HS3ST5: variants seen among roughly 807,000 people sequenced by gnomAD.
The protein encoded by HS3ST5 is heparan sulfate glucosamine 3-O-sulfotransferase 5.
Under a neutral mutation model 25.4 loss-of-function variants are expected in HS3ST5, and 10 were observed. The ratio of observed to expected loss-of-function variants is 0.39; its 90% CI spans 0.24 to 0.67. HS3ST5 has a LOEUF of 0.67. Among genes scored for constraint, HS3ST5 ranks in the 30% least tolerant of loss-of-function variants. The pLI is 0.44. For missense variants in HS3ST5, 324 were observed against 420.7 expected, an observed-to-expected ratio of 0.77 and a Z score of 2.01; for synonymous variants, 170 against 162.4, an observed-to-expected ratio of 1.05 and a Z score of -0.36.
At chr6:114,084,988 C>A (rs1309706763) in intron 3 of HS3ST5, among the ~76,000 whole-genome samples, 1 of 151,854 alleles carries the variant, frequency 6.6e-6, no homozygotes, top group Non-Finnish European at 1.5e-5. Context: ...CGCACCACCA[C>A]CCCTGGCTAA....
At chr6:114,084,833 CTTTTTTTTT>C in intron 3 of HS3ST5, 1 of 503,792 alleles carries the variant, frequency 2.0e-6, no homozygotes, top group South Asian at 2.0e-5. Flanking sequence ...CTTTTCTTTT[CTTTTTTTTT>C]TTTTTTTTGA....
chr6:114,294,235 G>A (rs1283042190), intron 1 of HS3ST5, among the ~76,000 whole-genome samples: 1 of 152,108 alleles, frequency 6.6e-6, no homozygotes, highest in African/African-American at 2.4e-5. Context: ...AAAAACCTGC[G>A]GAATTAGTGT....
rs150919092 is a variant in HS3ST5, at chr6:114,165,208, C to A, written c.-33+3143G>T. Among the ~76,000 whole-genome samples, 235 of 152,270 alleles carry A rather than the reference C, an allele frequency of 1.5e-3. No homozygotes were observed. The Middle Eastern group carries it at 0.017, about 11-fold the overall frequency. ...TGATATTTAATGTTTTGTCCTATGT[C>A]CAATCCTTGGTTTAGTGATTATGGC... On this transcript the variant is annotated intron_variant, in intron 3 of 4. Transcript: ENST00000312719.
intron 3 of HS3ST5, among the ~76,000 whole-genome samples, chr6:114,134,965 G>T (rs1001021159): frequency 3.3e-5 from 5 of 152,222 alleles, no homozygotes; most frequent in African/African-American, 1.2e-4. Context: ...GGTTGCACAG[G>T]GTAAGGAGGC....
intron 3 of HS3ST5, among the ~76,000 whole-genome samples, chr6:114,131,594 GAAATTTAAAA>G: frequency 1.3e-5 from 2 of 152,270 alleles, no homozygotes; most frequent in East Asian, 3.9e-4. Context: ...GGGACAATTT[GAAATTTAAAA>G]AAATTTCTTA....
intron 1 of HS3ST5, among the ~76,000 whole-genome samples, chr6:114,232,882 C>T (rs150077529): frequency 3.3e-5 from 5 of 152,236 alleles, no homozygotes; most frequent in African/African-American, 1.2e-4. Flanking sequence ...TTCCACATGG[C>T]ATCTATCTAG....
intron 3 of HS3ST5, among the ~76,000 whole-genome samples, chr6:114,092,180 A>AT (rs1376020695): frequency 6.6e-6 from 1 of 152,144 alleles, no homozygotes; most frequent in African/African-American, 2.4e-5. Context: ...GGGTCCTTCC[A>AT]TTTTTAAGAT....
intron 1 of HS3ST5, among the ~76,000 whole-genome samples, chr6:114,260,527 A>G (rs1773125745): frequency 6.6e-6 from 1 of 152,220 alleles, no homozygotes; most frequent in Non-Finnish European, 1.5e-5. Context: ...TTTTTAAGAG[A>G]GAAGTCAGGG....
intron 1 of HS3ST5, among the ~76,000 whole-genome samples, chr6:114,306,179 GT>G (rs540390740): frequency 1.4e-5 from 2 of 145,796 alleles, no homozygotes; most frequent in Admixed American, 6.9e-5. Flanking sequence ...TTTCAGTTTA[GT>G]TTTTTTTCTC....
chr6:114,123,368 C>T (rs80008475), intron 3 of HS3ST5, among the ~76,000 whole-genome samples: 1 of 152,116 alleles, frequency 6.6e-6, no homozygotes. Flanking sequence ...AACACTAAAT[C>T]GCTTGAGGTT....
At chr6:114,191,078 C>A (rs1780477980) in intron 2 of HS3ST5, among the ~76,000 whole-genome samples, 1 of 152,108 alleles carries the variant, frequency 6.6e-6, no homozygotes, top group Non-Finnish European at 1.5e-5. Context: ...TTGGTACAGA[C>A]TTAATGGTGG....
intron 1 of HS3ST5, among the ~76,000 whole-genome samples, chr6:114,256,916 T>C (rs567459750): frequency 4.6e-5 from 7 of 152,244 alleles, no homozygotes; most frequent in Non-Finnish European, 1.0e-4. Context: ...AAAGGTTTAA[T>C]GGACTTATAG....
At chr6:114,286,646 T>C (rs966177900) in intron 1 of HS3ST5, among the ~76,000 whole-genome samples, 8 of 152,154 alleles carry the variant, frequency 5.3e-5, no homozygotes, top group South Asian at 2.1e-4. Context: ...AAATCTATCC[T>C]TCCCTTTTAC....
chr6:114,114,381 T>G (rs905948871), intron 3 of HS3ST5, among the ~76,000 whole-genome samples: 4 of 152,140 alleles, frequency 2.6e-5, no homozygotes, highest in South Asian at 2.1e-4. Context: ...CATTTCTGAT[T>G]TACAGAATAG....
intron 1 of HS3ST5, among the ~76,000 whole-genome samples, chr6:114,256,672 T>C (rs1196489440): frequency 6.6e-6 from 1 of 152,188 alleles, no homozygotes; most frequent in Non-Finnish European, 1.5e-5. Flanking sequence ...ATCAGTATTT[T>C]GGTCAAAGCC....
At chr6:114,333,353 A>T (rs1024159757) in intron 1 of HS3ST5, among the ~76,000 whole-genome samples, 4 of 152,212 alleles carry the variant, frequency 2.6e-5, no homozygotes, top group African/African-American at 9.7e-5. Context: ...ACAGAAGAGC[A>T]AAATAACATA....
At chr6:114,076,976 G>GA (rs1394613378) in intron 3 of HS3ST5, among the ~76,000 whole-genome samples, 22 of 152,152 alleles carry the variant, frequency 1.4e-4, no homozygotes, top group Non-Finnish European at 4.4e-5. Flanking sequence ...AAAGGAAAAA[G>GA]GTTGATAAAT....
chr6:114,168,125 G>A (rs1779303721), intron 3 of HS3ST5, among the ~76,000 whole-genome samples: 4 of 152,078 alleles, frequency 2.6e-5, no homozygotes, highest in Admixed American at 2.6e-4. Flanking sequence ...CCATTTCATT[G>A]ACGGGGAAGG....
chr6:114,322,415 T>C (rs1481768545), intron 1 of HS3ST5, among the ~76,000 whole-genome samples: 1 of 152,140 alleles, frequency 6.6e-6, no homozygotes, highest in Non-Finnish European at 1.5e-5. Flanking sequence ...TTTTTCCTTG[T>C]ACTGTGTTTA....
Sources: allele counts gnomAD v4.1 joint callset (sites outside exome capture counted in the v4.1 genomes callset), GRCh38; gene constraint gnomAD v4.1.1; transcripts MANE v1.5; gene names NCBI Gene and HGNC (gene_info 2026-07-23, HGNC 2026-07-21).